Variants in MYO1E observed in about 807,000 individuals in gnomAD.
MYO1E encodes the protein unconventional myosin-Ie.
MYO1E carries 68 observed loss-of-function variants against 151.1 expected under a neutral mutation model. That is an observed-to-expected ratio of 0.45 (90% CI 0.37 to 0.55). The LOEUF is 0.55. Among genes scored for constraint, MYO1E ranks in the 20% least tolerant of loss-of-function variants. The pLI, the probability that MYO1E is intolerant of heterozygous loss-of-function variation, is 0.00. For synonymous variants in MYO1E, 601 were observed against 501.7 expected (o/e 1.20, Z -2.64); for missense variants, 1,363 against 1,389.3 (o/e 0.98, Z 0.30).
At chr15:59,248,721 G>A (rs112414550) in intron 4 of MYO1E, among the ~76,000 whole-genome samples, 1 of 152,032 alleles carries the variant, frequency 6.6e-6, no homozygotes, top group Non-Finnish European at 1.5e-5. Flanking sequence ...GCAGAGATGG[G>A]GGGTTTTCTC....
chr15:59,211,319 G>A (rs1030516656), intron 12 of MYO1E, among the ~76,000 whole-genome samples: 4 of 152,092 alleles, frequency 2.6e-5, no homozygotes, highest in African/African-American at 9.7e-5. Flanking sequence ...ACACCATCCT[G>A]GTTTTTTCCT....
intron 7 of MYO1E, among the ~76,000 whole-genome samples, chr15:59,225,903 C>T (rs555903649): frequency 6.6e-6 from 1 of 152,298 alleles, no homozygotes; most frequent in South Asian, 2.1e-4. Flanking sequence ...ACCTTGGCAT[C>T]CCAAAGTGCT....
At chr15:59,253,482 T>TG (rs1285315946) in intron 4 of MYO1E, among the ~76,000 whole-genome samples, 1 of 1,038 alleles carries the variant, frequency 9.6e-4, no homozygotes, top group African/African-American at 2.0e-3. Context: ...TCTGATCGAG[T>TG]TTTTTTTTTT....
At chr15:59,182,704 T>C (rs1178975818) in intron 18 of MYO1E, among the ~76,000 whole-genome samples, 5 of 152,178 alleles carry the variant, frequency 3.3e-5, no homozygotes, top group Admixed American at 1.3e-4. Context: ...ACAAAATGCC[T>C]ACTCAGAGTG....
intron 1 of MYO1E, among the ~76,000 whole-genome samples, chr15:59,273,345 C>CTT (rs1318467261): frequency 1.3e-5 from 2 of 150,132 alleles, no homozygotes; most frequent in African/African-American, 5.0e-5. Flanking sequence ...ACTTGGGGAG[C>CTT]TTAAAGTCCT....
chr15:59,268,102 A>G (rs971086415), intron 2 of MYO1E, among the ~76,000 whole-genome samples: 2 of 152,232 alleles, frequency 1.3e-5, no homozygotes, highest in Non-Finnish European at 2.9e-5. Context: ...TTAACAATTA[A>G]ACATAGGAGA....
At chr15:59,236,459 T>A in intron 5 of MYO1E, 126 bp downstream of exon 5, 1 of 753,338 alleles carries the variant, frequency 1.3e-6, no homozygotes, top group South Asian at 1.5e-5. Context: ...ATTCCAGATT[T>A]CAAGTTTCAC....
intron 1 of MYO1E, among the ~76,000 whole-genome samples, chr15:59,361,179 T>G (rs1423223066): frequency 4.6e-5 from 7 of 152,156 alleles, no homozygotes; most frequent in Non-Finnish European, 2.9e-5. Context: ...GAGGCCACCC[T>G]AGATCATCCA....
chr15:59,218,275 T>C, intron 9 of MYO1E, 188 bp from the exon 10 acceptor site: 1 of 717,390 alleles, frequency 1.4e-6, no homozygotes, highest in Non-Finnish European at 2.5e-6. Context: ...TCCATCTCCT[T>C]TGTTTTTCCC....
At chr15:59,333,221 C>G (rs2080708254) in intron 1 of MYO1E, among the ~76,000 whole-genome samples, 1 of 152,226 alleles carries the variant, frequency 6.6e-6, no homozygotes, top group East Asian at 1.9e-4. Context: ...CCAGCTTCAT[C>G]ACTATCTACT....
Position 59,195,333 on chromosome 15 carries a change from T to A in MYO1E, c.1805+128A>T, listed in dbSNP as rs2079759944. ...TATACAGCTTTTGTCCTGAAAAAGT[T>A]AAGATGCAAGGGCATGACAAAGACA... On this transcript the variant is annotated intron_variant, in intron 17 of 27. Coordinates refer to ENST00000288235, the MANE Select transcript of MYO1E (RefSeq NM_004998.4). The A allele has an allele frequency of 3.5e-6, 3 of 849,050 alleles. No homozygotes were observed. The Admixed American group carries it at 5.8e-5, about 16-fold the overall frequency. The allele number at this position is 849,050 out of a possible 1,614,324, so 52.6% of individuals were successfully genotyped here.
At chr15:59,272,638 T>A (rs754289710) in intron 1 of MYO1E, among the ~76,000 whole-genome samples, 189 bp from the exon 2 acceptor site, 15 of 152,314 alleles carry the variant, frequency 9.8e-5, no homozygotes, top group African/African-American at 3.4e-4. Flanking sequence ...CTAAGTTAAG[T>A]GGGGAAAAGC....
rs1447024455 is a variant in MYO1E, at chr15:59,208,701, T to C, written c.1510A>G (p.Ile504Val). Residue 504 changes from isoleucine (I) to valine (V), a missense_variant, in exon 14 of 28, where the codon ATT becomes GTT. Physicochemically the swap from Ile to Val is conservative, Grantham distance 29. Transcript: ENST00000288235. ...HFNSWNQGFIIHHYAGKVSYD... is the reference protein window; with the variant it reads ...HFNSWNQGFIVHHYAGKVSYD... ...CATACCTTCCCAGCATAATGATGAA[T>C]GATGAAGCCTTGGTTCCAACTGTTG... The C allele has an allele frequency of 1.2e-6, 2 of 1,614,118 alleles. No homozygotes were observed. Among genetic ancestry groups the C allele is most frequent in the African/African-American group, 2.7e-5 (2 of 74,940 alleles).
intron 1 of MYO1E, among the ~76,000 whole-genome samples, chr15:59,284,340 A>AG (rs2080374715): frequency 6.6e-6 from 1 of 152,238 alleles, no homozygotes; most frequent in Non-Finnish European, 1.5e-5. Context: ...CCAACTCAGG[A>AG]GATCAAAGGG....
chr15:59,251,513 A>C (rs1466943596), intron 4 of MYO1E, among the ~76,000 whole-genome samples: 2 of 152,230 alleles, frequency 1.3e-5, no homozygotes, highest in East Asian at 3.8e-4. Flanking sequence ...CTATTAGAGA[A>C]GTTTGAAGTT....
chr15:59,305,487 G>A (rs1384193661), intron 1 of MYO1E, among the ~76,000 whole-genome samples: 3 of 152,090 alleles, frequency 2.0e-5, no homozygotes, highest in Non-Finnish European at 4.4e-5. Context: ...GAGCCACCAC[G>A]CCCAGCCTAT....
At chr15:59,138,102 A>T in intron 27 of MYO1E, 96 bp downstream of exon 27, 1 of 1,457,148 alleles carries the variant, frequency 6.9e-7, no homozygotes, top group East Asian at 2.3e-5. Context: ...CAGTTTGAGG[A>T]GCCCATAAAT....
chr15:59,155,414 A>AC (rs1331851369), intron 25 of MYO1E, among the ~76,000 whole-genome samples: 2 of 151,074 alleles, frequency 1.3e-5, no homozygotes, highest in Non-Finnish European at 2.9e-5. Flanking sequence ...ATTTTTTAAA[A>AC]CCCCCTGAAA....
chr15:59,173,486 T>C (rs1458428492), intron 21 of MYO1E, among the ~76,000 whole-genome samples: 41 of 152,232 alleles, frequency 2.7e-4, no homozygotes, highest in Admixed American at 1.3e-4. Flanking sequence ...GCATGTAATG[T>C]ATATCTCATT....
Sources: gnomAD v4.1 joint callset for allele counts (sites outside exome capture counted in the v4.1 genomes callset) on GRCh38, gnomAD v4.1.1 for gene constraint, MANE v1.5 for transcripts, NCBI Gene and HGNC (gene_info 2026-07-23, HGNC 2026-07-21) for gene names.